VAC14: variants seen among roughly 807,000 people sequenced by gnomAD.
VAC14 encodes the protein protein VAC14 homolog.
In VAC14, 47 loss-of-function variants were observed where a neutral mutation model predicts 85.3. That is an observed-to-expected ratio of 0.55 (90% confidence interval 0.44 to 0.70). The LOEUF (loss-of-function observed/expected upper bound fraction) is 0.70, where lower values mean the gene tolerates loss of function less well. Among genes scored for constraint, VAC14 ranks in the 30% least tolerant of loss-of-function variants. The probability of loss-of-function intolerance (pLI) is 0.00; values close to 1 mark genes in which losing one functional copy is unlikely to be tolerated. For synonymous variants in VAC14, 447 were observed against 430.5 expected (o/e 1.04, Z -0.47); for missense variants, 861 against 1,004.3 (o/e 0.86, Z 1.93).
intron 9 of VAC14, among the ~76,000 whole-genome samples, chr16:70,780,357 T>C (rs2033749552): frequency 6.6e-6 from 1 of 152,114 alleles, no homozygotes; most frequent in Non-Finnish European, 1.5e-5. Flanking sequence ...CCAGGCTTCT[T>C]GGTGGCTGGA....
rs1430913677 is a variant in VAC14 at position 70,692,897 on chromosome 16, G to C, written c.2110C>G (p.Leu704Val). 6.2e-7 allele frequency: 1 copy of C among 1,609,534 alleles called. No homozygotes were observed. Among genetic ancestry groups the C allele is most frequent in the Non-Finnish European group, 8.5e-7 (1 of 1,178,892 alleles). The change falls in exon 18 of 19, where the codon CTG (leucine) becomes GTG (valine). Residue 704 changes from leucine to valine, a missense_variant. By Grantham distance (32) the Leu-to-Val change is conservative. Around this residue, in one of 3 missense-constraint regions of VAC14, gnomAD observed 163 missense variants for 162.2 expected, o/e 1.00. Transcript: ENST00000261776. Reference sequence around the variant, plus strand: ...AGCTGGAAGGCGCTGCTCTGCGGCAGGAGCATGAGCAGGCCGTAGAGGGCC... The same window carrying C: ...AGCTGGAAGGCGCTGCTCTGCGGCACGAGCATGAGCAGGCCGTAGAGGGCC... ...IKALYGLLML[L>V]PQSSAFQLLS...
intron 14 of VAC14, chr16:70,716,639 T>C (rs1474989693): frequency 1.3e-5 from 2 of 152,304 alleles, no homozygotes; most frequent in African/African-American, 4.8e-5. Flanking sequence ...TGATCAGTTT[T>C]GGCCCTGCGG....
At chr16:70,745,777 C>T (rs1261496499) in intron 12 of VAC14, among the ~76,000 whole-genome samples, 2 of 152,196 alleles carry the variant, frequency 1.3e-5, no homozygotes, top group African/African-American at 4.8e-5. Context: ...GTTGCCTGTG[C>T]CTCTTCCTGG....
At chr16:70,752,924 G>T (rs1203535522) in intron 12 of VAC14, among the ~76,000 whole-genome samples, 2 of 152,156 alleles carry the variant, frequency 1.3e-5, no homozygotes, top group Non-Finnish European at 2.9e-5. Context: ...GATGGAGAGG[G>T]ATTAGAGCTA....
intron 9 of VAC14, 101 bp from the exon 10 acceptor site, chr16:70,772,273 T>C (rs2033276841): frequency 9.9e-7 from 1 of 1,011,688 alleles, no homozygotes; most frequent in East Asian, 2.4e-5. Context: ...CAGAGCCCCA[T>C]ACCTTGATTC....
At chr16:70,767,671 G>C (rs2032921006) in intron 10 of VAC14, among the ~76,000 whole-genome samples, 1 of 152,188 alleles carries the variant, frequency 6.6e-6, no homozygotes, top group Non-Finnish European at 1.5e-5. Context: ...ACGGGCTCTG[G>C]AGTCAGACAG....
At chr16:70,772,405 G>A in intron 9 of VAC14, 1 of 512,664 alleles carries the variant, frequency 2.0e-6, no homozygotes, top group Non-Finnish European at 3.5e-6. Context: ...GGGGACACCA[G>A]TGCTAAACAC....
rs767847667 is a variant in VAC14, at chr16:70,784,847, G to A, written c.424-9C>T. The A allele has an allele frequency of 2.5e-6, 4 of 1,613,790 alleles. No homozygotes were observed. Among genetic ancestry groups the A allele is most frequent in the Admixed American group, 1.7e-5 (1 of 60,004 alleles). ...TCTGGGTCGGCTGCCAGCTGCAAGAGGCACAGACAGGGGAGGGACACAGAG... is the reference window on the plus strand; with the variant it reads ...TCTGGGTCGGCTGCCAGCTGCAAGAAGCACAGACAGGGGAGGGACACAGAG... On this transcript the variant is annotated splice_polypyrimidine_tract_variant and intron_variant, in intron 3 of 18. Transcript: ENST00000261776.
At chr16:70,742,402 C>A (rs2030417461) in intron 13 of VAC14, among the ~76,000 whole-genome samples, 1 of 152,232 alleles carries the variant, frequency 6.6e-6, no homozygotes, top group Non-Finnish European at 1.5e-5. Context: ...TGCTGGGCCC[C>A]CACACTCCAC....
Position 70,731,542 on chromosome 16 carries a change from G to T in VAC14, c.1614C>A (p.Phe538Leu). ...CCTCCAGGAGCTTCCGTTCGCTGCT[G>T]AATCTCTTGAGAAGGTTGATCATGA... The part of the protein sequence containing the change: ...YKFMINLLKR[F>L]SSERKLLEVR... Residue 538 changes from phenylalanine (F) to leucine (L), a missense_variant, in exon 14 of 19, where the codon TTC becomes TTA. By Grantham distance (22) the Phe-to-Leu change is conservative. Around this residue, in one of 3 missense-constraint regions of VAC14, gnomAD observed 629 missense variants for 703.1 expected, o/e 0.89. Transcript: ENST00000261776. 6.2e-7 allele frequency: 1 copy of T among 1,614,184 alleles called. No individual in the cohort carries two copies. The highest frequency in any genetic ancestry group is 8.5e-7 in the Non-Finnish European group (1 of 1,180,024).
At chr16:70,708,719 C>T (rs969495410) in intron 14 of VAC14, among the ~76,000 whole-genome samples, 2 of 152,140 alleles carry the variant, frequency 1.3e-5, no homozygotes, top group East Asian at 1.9e-4. Flanking sequence ...CAGGAAGGAC[C>T]GATGGGGTAT....
chr16:70,737,019 G>C (rs1295493002), intron 13 of VAC14, among the ~76,000 whole-genome samples: 2 of 152,202 alleles, frequency 1.3e-5, no homozygotes, highest in African/African-American at 4.8e-5. Context: ...CTGTTGATCT[G>C]AGCTGCCCTT....
intron 17 of VAC14, among the ~76,000 whole-genome samples, chr16:70,694,033 T>C (rs551740929): frequency 6.6e-6 from 1 of 152,228 alleles, no homozygotes; most frequent in African/African-American, 2.4e-5. Flanking sequence ...CAGTCCTTTC[T>C]TCCCTTTGGG....
Position 70,691,258 on chromosome 16 carries a change from G to T in VAC14, c.2186+1563C>A, listed in dbSNP as rs2053590185. ...CGGAGACCCGGGAGAGGCTGGGCTG[G>T]CTCCCTGGCCAGGAGGACTCCCAGG... is the stretch of plus-strand genomic sequence containing the variant. On this transcript the variant is annotated intron_variant, in intron 18 of 18. Transcript: ENST00000261776. 3 of 985,420 alleles carry T rather than the reference G, an allele frequency of 3.0e-6. No homozygotes were observed. The South Asian group carries it at 1.4e-4, about 46-fold the overall frequency. 61.0% of individuals were successfully genotyped at this position (985,420 alleles called of 1,614,324 possible).
At chr16:70,698,460 G>C (rs565973422) in intron 15 of VAC14, among the ~76,000 whole-genome samples, 177 bp downstream of exon 15, 1 of 152,312 alleles carries the variant, frequency 6.6e-6, no homozygotes, top group Admixed American at 6.5e-5. Flanking sequence ...CCCATGGTTA[G>C]TGCTGCGCAG....
chr16:70,698,673 G>A lies in VAC14; in HGVS notation c.1800C>T (p.Phe600=). 6.2e-7 allele frequency: 1 copy of A among 1,614,186 alleles called. No homozygotes were observed. Among genetic ancestry groups the A allele is most frequent in the Non-Finnish European group, 8.5e-7 (1 of 1,180,012 alleles). Residue 600 remains phenylalanine, a synonymous_variant, in exon 15 of 19, where the codon TTC becomes TTT. Transcript: ENST00000261776. ...GGTCCTTCAGCTGGTTCCTTAGCTGGAAGAGCTCTGTGGAGGTCAGCAGGA... is the reference window on the plus strand; with the variant it reads ...GGTCCTTCAGCTGGTTCCTTAGCTGAAAGAGCTCTGTGGAGGTCAGCAGGA... The part of the protein sequence containing the change: ...NTILLTSTEL[F]QLRNQLKDLK...
At chr16:70,784,752 A>G (rs569625230) in intron 4 of VAC14, 24 bp downstream of exon 4, 2 of 1,608,700 alleles carry the variant, frequency 1.2e-6, no homozygotes, top group South Asian at 1.1e-5. Flanking sequence ...TGTAGAAATA[A>G]AAGTGGGGAC....
At chr16:70,702,316 A>G (rs534530471) in intron 14 of VAC14, among the ~76,000 whole-genome samples, 80 of 152,274 alleles carry the variant, frequency 5.3e-4, no homozygotes, top group Admixed American at 1.6e-3. Flanking sequence ...ACTCTGGAGC[A>G]CAAGCCTCCT....
intron 14 of VAC14, among the ~76,000 whole-genome samples, chr16:70,730,168 C>T (rs1215949753): frequency 6.6e-6 from 1 of 151,896 alleles, no homozygotes; most frequent in Admixed American, 6.6e-5. Context: ...AATCCGGCTG[C>T]AGCTTCCCAT....
Sources: gnomAD v4.1 joint callset for allele counts (sites outside exome capture counted in the v4.1 genomes callset) on GRCh38, gnomAD v4.1.1 for gene constraint, gnomAD v4.1.1 regional missense constraint, MANE v1.5 for transcripts, NCBI Gene and HGNC (gene_info 2026-07-23, HGNC 2026-07-21) for gene names.